Variants in TYR observed in about 807,000 individuals in gnomAD.
TYR encodes tyrosinase, also known as LB24-AB.
TYR carries 58 observed loss-of-function variants against 51.5 expected under a neutral mutation model. The observed-to-expected ratio is 1.13, with a 90% CI of 0.91 to 1.40. The LOEUF (loss-of-function observed/expected upper bound fraction) is 1.40, where lower values mean the gene tolerates loss of function less well. Ranked by LOEUF, TYR falls within the 40% of genes most tolerant of loss-of-function variation. The pLI, the probability that TYR is intolerant of heterozygous loss-of-function variation, is 0.00. For missense variants in TYR, 732 were observed against 647.4 expected (o/e 1.13, Z -1.42); for synonymous variants, 263 against 235.2 (o/e 1.12, Z -1.08).
intron 2 of TYR, among the ~76,000 whole-genome samples, chr11:89,198,051 G>T (rs1943546204): frequency 6.6e-6 from 1 of 152,054 alleles, no homozygotes; most frequent in Non-Finnish European, 1.5e-5. Flanking sequence ...TGAGCTGTGG[G>T]CTTTAATGAG....
intron 4 of TYR, among the ~76,000 whole-genome samples, chr11:89,285,572 A>G (rs1451325953): frequency 2.0e-5 from 3 of 151,846 alleles, no homozygotes; most frequent in African/African-American, 7.2e-5. Context: ...ATCTTCCTGC[A>G]TAGAACCATG....
At chr11:89,241,350 T>G (rs775494684) in intron 3 of TYR, among the ~76,000 whole-genome samples, 1 of 152,200 alleles carries the variant, frequency 6.6e-6, no homozygotes. Flanking sequence ...CATGCTGTAC[T>G]CTGCTTACTT....
At chr11:89,256,483 GTGTA>G (rs1944393222) in intron 3 of TYR, among the ~76,000 whole-genome samples, 1 of 151,240 alleles carries the variant, frequency 6.6e-6, no homozygotes, top group African/African-American at 2.4e-5. Flanking sequence ...GTGTGTGTGT[GTGTA>G]TATGTGTGTG....
At position 89,220,770 on chromosome 11, in the gene TYR, TCAAAACAAAA is replaced by T. The variant is rs538393479; in HGVS notation, c.1037-7037_1037-7028del. The stretch of plus-strand genomic sequence containing the variant: ...AAACTCCGTCTCAAAAAAACAAAAC[TCAAAACAAAA>T]CAAAACAAAACAAAAACAGAGTTGC... On this transcript the variant is annotated intron_variant, in intron 2 of 4. Coordinates refer to ENST00000263321, the MANE Select transcript of TYR (RefSeq NM_000372.5). Among the ~76,000 whole-genome samples, 93 of 151,314 alleles carry T rather than the reference TCAAAACAAAA, an allele frequency of 6.1e-4. No homozygotes were observed. The East Asian group carries it at 0.013, about 21-fold the overall frequency.
chr11:89,228,508 A>T (rs1031278912), intron 3 of TYR, among the ~76,000 whole-genome samples: 2 of 152,214 alleles, frequency 1.3e-5, no homozygotes, highest in Admixed American at 1.3e-4. Context: ...GAACTGCTAT[A>T]GGAATTTAAG....
Position 89,177,887 on chromosome 11 carries a change from G to A in TYR, c.-67G>A. 1 of 1,503,066 alleles carries A rather than the reference G, an allele frequency of 6.7e-7. No homozygotes were observed. Among genetic ancestry groups the A allele is most frequent in the East Asian group, 2.3e-5 (1 of 44,364 alleles). 93.1% of individuals were successfully genotyped at this position (1,503,066 alleles called of 1,614,324 possible). A position where few individuals can be genotyped will look rare whatever the true frequency, so the allele number is the denominator to read the frequency against. On this transcript the variant is annotated 5_prime_UTR_variant, in exon 1 of 5. Coordinates refer to ENST00000263321, the MANE Select transcript of TYR (RefSeq NM_000372.5). ...ACATGTGATAATCACTGTAGTAGTA[G>A]CTGGAAAGAGAAATCTGTGACTCCA...
chr11:89,259,675 C>T (rs1052173688), intron 3 of TYR, among the ~76,000 whole-genome samples: 1 of 152,056 alleles, frequency 6.6e-6, no homozygotes, highest in African/African-American at 2.4e-5. Context: ...CAGAGGCTTA[C>T]CCTACCTAAA....
chr11:89,277,230 T>C (rs1339198911), intron 3 of TYR, among the ~76,000 whole-genome samples: 3 of 151,564 alleles, frequency 2.0e-5, no homozygotes, highest in Non-Finnish European at 4.4e-5. Flanking sequence ...AAGTACTACA[T>C]GAAAAAAATA....
chr11:89,190,219 C>T (rs888143684), intron 1 of TYR, among the ~76,000 whole-genome samples: 1 of 152,116 alleles, frequency 6.6e-6, no homozygotes, highest in African/African-American at 2.4e-5. Flanking sequence ...CAGCCTCAGG[C>T]AGGCTCTCCA....
intron 1 of TYR, among the ~76,000 whole-genome samples, 167 bp from the exon 2 acceptor site, chr11:89,191,035 C>A (rs1050804055): frequency 6.6e-6 from 1 of 152,058 alleles, no homozygotes; most frequent in Admixed American, 6.6e-5. Flanking sequence ...ACAAAATCAC[C>A]TAATGATGGA....
chr11:89,191,588 A>G (rs1265823177), intron 2 of TYR, among the ~76,000 whole-genome samples, 170 bp downstream of exon 2: 4 of 152,124 alleles, frequency 2.6e-5, no homozygotes, highest in African/African-American at 9.7e-5. Flanking sequence ...TCAGCACGTT[A>G]TAATTCAACG....
intron 3 of TYR, among the ~76,000 whole-genome samples, chr11:89,274,617 C>CAG (rs986890422): frequency 2.0e-5 from 3 of 151,784 alleles, no homozygotes; most frequent in African/African-American, 7.3e-5. Flanking sequence ...CTGAGACTTC[C>CAG]AGAGATTATC....
At chr11:89,227,693 A>C in intron 2 of TYR, 130 bp from the exon 3 acceptor site, 1 of 812,640 alleles carries the variant, frequency 1.2e-6, no homozygotes, top group Non-Finnish European at 1.9e-6. Flanking sequence ...CTCAATACGG[A>C]ATGAATTTTA....
chr11:89,204,523 T>C (rs1943645607), intron 2 of TYR, among the ~76,000 whole-genome samples: 1 of 151,692 alleles, frequency 6.6e-6, no homozygotes, highest in Non-Finnish European at 1.5e-5. Flanking sequence ...GTTTCCCGAG[T>C]AGCTCAGATT....
chr11:89,286,800 A>G, intron 4 of TYR, among the ~76,000 whole-genome samples: 1 of 151,864 alleles, frequency 6.6e-6, no homozygotes, highest in East Asian at 1.9e-4. Context: ...AGGTGTGGTA[A>G]GAGGAGGGGT....
At position 89,211,570 on chromosome 11, in the gene TYR, G is replaced by A. The variant is rs142743964; in HGVS notation, c.1037-16253G>A. Reference sequence around the variant, plus strand: ...AGACAGAAAATTAGCAAGGTTATCCGGGAATTGAACTCGGCTCTGGACCAA... The same window carrying A: ...AGACAGAAAATTAGCAAGGTTATCCAGGAATTGAACTCGGCTCTGGACCAA... On this transcript the variant is annotated intron_variant, in intron 2 of 4. Coordinates refer to ENST00000263321, the MANE Select transcript of TYR (RefSeq NM_000372.5). Among the ~76,000 whole-genome samples the A allele has an allele frequency of 3.9e-4, 60 of 152,178 alleles. 1 individual carries two copies. The highest frequency in any genetic ancestry group is 2.7e-3 in the East Asian group (14 of 5,184).
At chr11:89,280,104 A>G (rs373250709) in intron 3 of TYR, among the ~76,000 whole-genome samples, 2 of 151,542 alleles carry the variant, frequency 1.3e-5, no homozygotes, top group East Asian at 1.9e-4. Context: ...TATCTCTAAC[A>G]TTGTGGGTGG....
intron 4 of TYR, among the ~76,000 whole-genome samples, chr11:89,290,791 C>T (rs544175646): frequency 6.6e-6 from 1 of 151,966 alleles, no homozygotes; most frequent in East Asian, 1.9e-4. Context: ...CAAGGTAAGC[C>T]CAGGATGCAC....
chr11:89,232,408 T>C lies in TYR; in HGVS notation c.1184+4438T>C, dbSNP rs1944062090. 1.4e-5 allele frequency among the ~76,000 whole-genome samples: 2 copies of C among 143,550 alleles called. 1 individual carries two copies. The highest frequency in any genetic ancestry group is 5.5e-5 in the African/African-American group (2 of 36,308). The allele number at this position is 143,550 out of a possible 152,430, so 94.2% of individuals were successfully genotyped here. A position where few individuals can be genotyped will look rare whatever the true frequency, so the allele number is the denominator to read the frequency against. ...GATGTCCTTCGCAGCATCGTGGATG[T>C]AGCTGTAGGCCATAATCTGAAGTAA... is the stretch of plus-strand genomic sequence containing the variant. On this transcript the variant is annotated intron_variant, in intron 3 of 4. Transcript: ENST00000263321.
Sources: allele counts gnomAD v4.1 joint callset (sites outside exome capture counted in the v4.1 genomes callset), GRCh38; gene constraint gnomAD v4.1.1; transcripts MANE v1.5; gene names NCBI Gene and HGNC (gene_info 2026-07-23, HGNC 2026-07-21).